Variants in CMIP observed in about 807,000 individuals in gnomAD.
CMIP encodes the protein c-Maf inducing protein.
CMIP carries 13 observed loss-of-function variants against 97.3 expected under a neutral mutation model. The ratio of observed to expected loss-of-function variants is 0.13; its 90% confidence interval spans 0.09 to 0.21. The LOEUF (loss-of-function observed/expected upper bound fraction) is 0.21, where lower values mean the gene tolerates loss of function less well. Among genes scored for constraint, CMIP ranks in the 10% least tolerant of loss-of-function variants. The probability of loss-of-function intolerance (pLI) is 1.00; values close to 1 mark genes in which losing one functional copy is unlikely to be tolerated. For missense variants in CMIP, 847 were observed against 1,024.9 expected (o/e 0.83, Z 2.37); for synonymous variants, 538 against 436.3 (o/e 1.23, Z -2.91).
intron 2 of CMIP, among the ~76,000 whole-genome samples, chr16:81,608,608 C>G (rs376720732): frequency 5.3e-5 from 8 of 152,130 alleles, no homozygotes; most frequent in African/African-American, 1.7e-4. Context: ...TGACCTCAGG[C>G]AAGGCCCAGG....
At chr16:81,677,805 A>C (rs1490066891) in intron 9 of CMIP, among the ~76,000 whole-genome samples, 1 of 152,134 alleles carries the variant, frequency 6.6e-6, no homozygotes, top group African/African-American at 2.4e-5. Flanking sequence ...GGGGCAGGAG[A>C]GCAGAGTCCT....
chr16:81,635,007 C>A (rs2092216291), intron 3 of CMIP, among the ~76,000 whole-genome samples: 1 of 152,192 alleles, frequency 6.6e-6, no homozygotes, highest in Non-Finnish European at 1.5e-5. Flanking sequence ...CCTGTGGTGT[C>A]CCTCACTGTA....
At chr16:81,498,774 C>T (rs1289418374) in intron 1 of CMIP, among the ~76,000 whole-genome samples, 3 of 152,212 alleles carry the variant, frequency 2.0e-5, no homozygotes, top group African/African-American at 7.2e-5. Flanking sequence ...CGGGCAGACA[C>T]ACCTCCCTCT....
chr16:81,660,919 A>G lies in CMIP; in HGVS notation c.717A>G (p.Pro239=), dbSNP rs2092538365. The G allele has an allele frequency of 6.2e-7, 1 of 1,613,764 alleles. No individual in the cohort carries two copies. The highest frequency in any genetic ancestry group is 8.5e-7 in the Non-Finnish European group (1 of 1,179,878). ...IAPLLENNHP[P]PDLCEFFCKH... Reference sequence around the variant, plus strand: ...CTTTGCTGGAAAACAACCACCCACCACCAGATCTCTGTGAATTCTTTTGCA... The same window carrying G: ...CTTTGCTGGAAAACAACCACCCACCGCCAGATCTCTGTGAATTCTTTTGCA... Residue 239 remains proline, a synonymous_variant, in exon 6 of 21, where the codon CCA becomes CCG. Coordinates refer to ENST00000537098, the MANE Select transcript of CMIP (RefSeq NM_198390.3).
At chr16:81,536,963 C>T (rs1597523361) in intron 1 of CMIP, among the ~76,000 whole-genome samples, 1 of 152,180 alleles carries the variant, frequency 6.6e-6, no homozygotes, top group African/African-American at 2.4e-5. Context: ...AACTGCTCTC[C>T]TGGCTTGTAT....
intron 1 of CMIP, among the ~76,000 whole-genome samples, chr16:81,510,051 C>G (rs1316216079): frequency 6.6e-6 from 1 of 152,162 alleles, no homozygotes. Flanking sequence ...GATGAGGATG[C>G]TTTTCCTGTA....
chr16:81,476,078 C>G (rs1907894751), intron 1 of CMIP: 3 of 751,838 alleles, frequency 4.0e-6, no homozygotes, highest in East Asian at 5.2e-5. Flanking sequence ...CTTGCCATTC[C>G]TGGACCCAAA....
chr16:81,493,350 GCGTTACCTGT>G (rs59748854), intron 1 of CMIP, among the ~76,000 whole-genome samples: 40,711 of 151,354 alleles, frequency 0.27, 5,669 homozygotes, highest in East Asian at 0.36. Context: ...CTCACCCTCC[GCGTTACCTGT>G]CGTTACCTGT....
chr16:81,708,422 G>A (rs533819461), intron 20 of CMIP, among the ~76,000 whole-genome samples: 18 of 136,434 alleles, frequency 1.3e-4, no homozygotes, highest in Non-Finnish European at 2.4e-4. Flanking sequence ...AGTTCAAAGT[G>A]CTGAAAGTCA....
At chr16:81,470,718 A>G (rs1597456074) in intron 1 of CMIP, among the ~76,000 whole-genome samples, 3 of 152,254 alleles carry the variant, frequency 2.0e-5, no homozygotes, top group Non-Finnish European at 4.4e-5. Context: ...TTGGTCTCCC[A>G]TACTGCTGGG....
chr16:81,517,617 A>G (rs916932885), intron 1 of CMIP, among the ~76,000 whole-genome samples: 1 of 152,236 alleles, frequency 6.6e-6, no homozygotes, highest in Non-Finnish European at 1.5e-5. Flanking sequence ...ACAGCCCTGT[A>G]TTCACATATT....
At chr16:81,674,496 C>T (rs2092710741) in intron 9 of CMIP, among the ~76,000 whole-genome samples, 1 of 152,306 alleles carries the variant, frequency 6.6e-6, no homozygotes, top group South Asian at 2.1e-4. Context: ...GGGAACACAT[C>T]CCTTCCCAGT....
chr16:81,581,882 C>A (rs1327660282), intron 1 of CMIP, among the ~76,000 whole-genome samples: 3 of 152,128 alleles, frequency 2.0e-5, no homozygotes, highest in Non-Finnish European at 2.9e-5. Flanking sequence ...TCAGTTCTTA[C>A]CTTGCTCTAA....
intron 1 of CMIP, among the ~76,000 whole-genome samples, chr16:81,548,060 G>A (rs929732121): frequency 6.6e-6 from 1 of 151,772 alleles, no homozygotes; most frequent in African/African-American, 2.4e-5. Flanking sequence ...GGCTTACCTT[G>A]ACCCAAGCAT....
At chr16:81,457,907 G>A (rs371162893) in intron 1 of CMIP, among the ~76,000 whole-genome samples, 11 of 152,330 alleles carry the variant, frequency 7.2e-5, no homozygotes, top group East Asian at 1.9e-4. Context: ...TGGCCTGGGC[G>A]TTGGCAAGCT....
At chr16:81,559,678 G>A (rs1044285788) in intron 1 of CMIP, among the ~76,000 whole-genome samples, 17 of 152,190 alleles carry the variant, frequency 1.1e-4, no homozygotes, top group Admixed American at 1.0e-3. Context: ...TCGTGCAAAA[G>A]CACAGCACCT....
intron 1 of CMIP, among the ~76,000 whole-genome samples, chr16:81,503,942 C>G (rs942317408): frequency 3.9e-5 from 6 of 152,212 alleles, no homozygotes; most frequent in African/African-American, 1.4e-4. Context: ...GCTCCATGGA[C>G]TTTATATTTA....
chr16:81,532,813 G>C (rs1160276102), intron 1 of CMIP, among the ~76,000 whole-genome samples: 2 of 152,162 alleles, frequency 1.3e-5, no homozygotes, highest in Non-Finnish European at 2.9e-5. Flanking sequence ...ATGATTAACT[G>C]TGTGACCTTG....
intron 3 of CMIP, among the ~76,000 whole-genome samples, chr16:81,636,777 C>G (rs2092242061): frequency 6.6e-6 from 1 of 152,100 alleles, no homozygotes; most frequent in African/African-American, 2.4e-5. Context: ...TGAGCCCTAC[C>G]CGTTGGTCCT....
Sources: gnomAD v4.1 joint callset for allele counts (sites outside exome capture counted in the v4.1 genomes callset) on GRCh38, gnomAD v4.1.1 for gene constraint, MANE v1.5 for transcripts, NCBI Gene and HGNC (gene_info 2026-07-23, HGNC 2026-07-21) for gene names.